The following EIF3H variants were observed in gnomAD, a reference collection of about 807,000 sequenced individuals.
EIF3H encodes eIF-3-gamma.
A neutral mutation model predicts 44.2 loss-of-function variants in EIF3H; 26 were observed. That is an observed-to-expected ratio of 0.59 (90% CI 0.43 to 0.82). EIF3H has a LOEUF of 0.82. EIF3H is among the 40% of genes least tolerant of loss of function. The pLI, the probability that EIF3H is intolerant of heterozygous loss-of-function variation, is 0.00. For missense variants in EIF3H, 359 were observed against 432.8 expected, an observed-to-expected ratio of 0.83 and a Z score of 1.51; for synonymous variants, 166 against 151.9, an observed-to-expected ratio of 1.09 and a Z score of -0.68.
chr8:116,688,701 G>C (rs202142698), intron 2 of EIF3H, among the ~76,000 whole-genome samples: 46 of 141,628 alleles, frequency 3.2e-4, no homozygotes, highest in Non-Finnish European at 6.6e-4. Flanking sequence ...CTTGACCAAA[G>C]TAATGGTTAC....
intron 1 of EIF3H, among the ~76,000 whole-genome samples, chr8:116,754,634 G>A (rs1815410508): frequency 6.9e-6 from 1 of 144,834 alleles, no homozygotes; most frequent in African/African-American, 2.6e-5. Context: ...CTTGACAGAT[G>A]AGGAAAGCAA....
At chr8:116,676,394 A>C (rs988400813) in intron 2 of EIF3H, among the ~76,000 whole-genome samples, 4 of 152,188 alleles carry the variant, frequency 2.6e-5, no homozygotes, top group Non-Finnish European at 5.9e-5. Context: ...ATCATGGAGG[A>C]AGGCAAAGGC....
chr8:116,662,109 C>A (rs1813594858), intron 2 of EIF3H, among the ~76,000 whole-genome samples: 1 of 152,092 alleles, frequency 6.6e-6, no homozygotes, highest in Non-Finnish European at 1.5e-5. Flanking sequence ...GGCTAAAGAG[C>A]AATGATTGGT....
intron 5 of EIF3H, among the ~76,000 whole-genome samples, chr8:116,650,670 CTT>C (rs201663279): frequency 2.0e-5 from 3 of 152,124 alleles, no homozygotes; most frequent in South Asian, 2.1e-4. Flanking sequence ...TTGTAGGACT[CTT>C]TTCTTTTTTT....
chr8:116,667,292 A>G (rs1586441559), intron 2 of EIF3H, among the ~76,000 whole-genome samples: 1 of 152,192 alleles, frequency 6.6e-6, no homozygotes, highest in East Asian at 1.9e-4. Flanking sequence ...CCCTAACCCT[A>G]AAATGAAATT....
chr8:116,744,403 T>G (rs915586398), intron 1 of EIF3H, among the ~76,000 whole-genome samples: 2 of 152,136 alleles, frequency 1.3e-5, no homozygotes, highest in African/African-American at 4.8e-5. Context: ...TAATACTGAG[T>G]TATCACTGTT....
chr8:116,652,622 T>C lies in EIF3H; in HGVS notation c.707+3234A>G, dbSNP rs896806304. On this transcript the variant is annotated intron_variant, in intron 5 of 7. Coordinates refer to ENST00000521861, the MANE Select transcript of EIF3H (RefSeq NM_003756.3). ...AAGAAAAAGTGTTTACGTACGTAGA[T>C]AGAGTGCAAATGTGGCATGATATAC... 3.3e-5 allele frequency among the ~76,000 whole-genome samples: 5 copies of C among 152,258 alleles called. No homozygotes were observed. In the East Asian group the frequency reaches 9.6e-4, roughly 29 times the overall value.
Position 116,745,082 on chromosome 8 carries a change from G to A in EIF3H, c.132+10584C>T, listed in dbSNP as rs545155917. ...AACCAGTTGAAGCAAAAGGTGACAA[G>A]AAGGCAAAAGATAAAAAATGCTTAT... On this transcript the variant is annotated intron_variant, in intron 1 of 7. Coordinates refer to ENST00000521861, the MANE Select transcript of EIF3H (RefSeq NM_003756.3). Among the ~76,000 whole-genome samples, 117 of 152,286 alleles carry A rather than the reference G, an allele frequency of 7.7e-4. 3 individuals carry two copies. The South Asian group carries it at 0.023, about 30-fold the overall frequency.
intron 2 of EIF3H, among the ~76,000 whole-genome samples, chr8:116,714,915 T>C (rs16888683): frequency 0.052 from 7,962 of 152,000 alleles, 696 homozygotes; most frequent in African/African-American, 0.18. Flanking sequence ...AAAGGCAAAA[T>C]AGTAACCACA....
At position 116,665,543 on chromosome 8, in the gene EIF3H, GCAAA is replaced by G. The variant is rs549409621; in HGVS notation, c.290-6567_290-6564del. 1.4e-3 allele frequency among the ~76,000 whole-genome samples: 214 copies of G among 152,190 alleles called. 1 individual carries two copies. Among genetic ancestry groups the G allele is most frequent in the Middle Eastern group, 6.8e-3 (2 of 294 alleles). ...GAGATGCAAATAGCTTAAAAAGCAA[GCAAA>G]CAAACAAAACCCCACAATTTCCCAG... On this transcript the variant is annotated intron_variant, in intron 2 of 7. Coordinates refer to ENST00000521861, the MANE Select transcript of EIF3H (RefSeq NM_003756.3).
At chr8:116,733,959 A>C (rs1296788217) in intron 1 of EIF3H, among the ~76,000 whole-genome samples, 1 of 152,220 alleles carries the variant, frequency 6.6e-6, no homozygotes, top group Admixed American at 6.5e-5. Flanking sequence ...AATCTTTTTA[A>C]TATCTGGTTT....
At chr8:116,675,113 CT>C (rs1813824964) in intron 2 of EIF3H, among the ~76,000 whole-genome samples, 5 of 152,008 alleles carry the variant, frequency 3.3e-5, no homozygotes, top group Admixed American at 3.3e-4. Flanking sequence ...AAAAAAATCT[CT>C]TTGTATTTTT....
At chr8:116,724,633 C>G (rs1169608924) in intron 2 of EIF3H, among the ~76,000 whole-genome samples, 1 of 151,962 alleles carries the variant, frequency 6.6e-6, no homozygotes, top group Non-Finnish European at 1.5e-5. Context: ...AAGCAAAGGA[C>G]TTGAATAGAC....
intron 1 of EIF3H, among the ~76,000 whole-genome samples, chr8:116,730,273 T>C (rs1489080421): frequency 6.6e-6 from 1 of 152,182 alleles, no homozygotes; most frequent in East Asian, 1.9e-4. Flanking sequence ...GGAGGTAAAC[T>C]GCCTAAGCTC....
chr8:116,651,944 T>C (rs1221311646), intron 5 of EIF3H, among the ~76,000 whole-genome samples: 1 of 152,144 alleles, frequency 6.6e-6, no homozygotes, highest in Non-Finnish European at 1.5e-5. Flanking sequence ...CATTACAATT[T>C]TGAAAGAGGA....
At chr8:116,700,102 G>A (rs903589506) in intron 2 of EIF3H, among the ~76,000 whole-genome samples, 24 of 152,272 alleles carry the variant, frequency 1.6e-4, no homozygotes, top group Admixed American at 7.8e-4. Context: ...CACCGTGCCC[G>A]GCCGTAGGTT....
intron 2 of EIF3H, among the ~76,000 whole-genome samples, chr8:116,679,494 G>A (rs1563640790): frequency 6.3e-5 from 1 of 15,838 alleles, no homozygotes; most frequent in Non-Finnish European, 2.1e-4. Flanking sequence ...GGGAAGTGAG[G>A]AGCCCCTCTG....
chr8:116,670,984 G>A (rs1813743507), intron 2 of EIF3H, among the ~76,000 whole-genome samples: 1 of 152,130 alleles, frequency 6.6e-6, no homozygotes, highest in Non-Finnish European at 1.5e-5. Context: ...ATATTGGACG[G>A]CAAAAACATT....
intron 1 of EIF3H, among the ~76,000 whole-genome samples, chr8:116,733,826 T>A (rs541070484): frequency 6.6e-6 from 1 of 152,314 alleles, no homozygotes; most frequent in East Asian, 1.9e-4. Flanking sequence ...GAAAAATATT[T>A]TATAAAACAA....
Sources: allele counts gnomAD v4.1 joint callset (sites outside exome capture counted in the v4.1 genomes callset), GRCh38; gene constraint gnomAD v4.1.1; transcripts MANE v1.5; gene names NCBI Gene and HGNC (gene_info 2026-07-23, HGNC 2026-07-21).